The following DOCK4 variants were observed in gnomAD, a reference collection of about 807,000 sequenced individuals.
DOCK4 encodes the protein dedicator of cytokinesis protein 4.
DOCK4 carries 97 observed loss-of-function variants against 268.1 expected under a neutral mutation model. The ratio of observed to expected loss-of-function variants is 0.36; its 90% CI spans 0.31 to 0.43. The LOEUF is 0.43. Ranked by LOEUF, DOCK4 falls within the 20% of genes least tolerant of loss-of-function variation. The pLI is 1.00. For synonymous variants in DOCK4, 954 were observed against 887.2 expected (o/e 1.08, Z -1.34); for missense variants, 2,145 against 2,455.7 (o/e 0.87, Z 2.67).
chr7:111,739,285 G>C (rs750089233), intron 48 of DOCK4, 42 bp from the exon 49 acceptor site: 12 of 1,595,938 alleles, frequency 7.5e-6, no homozygotes, highest in Non-Finnish European at 1.0e-5. Context: ...CATGGTAGTG[G>C]TGCTGCACCT....
chr7:111,965,511 C>A (rs1269660112), intron 8 of DOCK4, among the ~76,000 whole-genome samples: 1 of 26,418 alleles, frequency 3.8e-5, no homozygotes, highest in Non-Finnish European at 5.5e-5. Flanking sequence ...GCTAACTATC[C>A]TAAATATTTA....
chr7:111,906,749 G>A (rs915689312), intron 13 of DOCK4, among the ~76,000 whole-genome samples: 2 of 152,154 alleles, frequency 1.3e-5, no homozygotes, highest in African/African-American at 4.8e-5. Flanking sequence ...TAGAGAAGGG[G>A]ATATGATGAG....
At chr7:111,989,559 C>T (rs1366985366) in intron 5 of DOCK4, among the ~76,000 whole-genome samples, 2 of 152,178 alleles carry the variant, frequency 1.3e-5, no homozygotes, top group African/African-American at 4.8e-5. Context: ...CTGCATGCAA[C>T]TAAAGCTGAT....
At chr7:112,071,111 T>C (rs1025302624) in intron 1 of DOCK4, among the ~76,000 whole-genome samples, 7 of 152,342 alleles carry the variant, frequency 4.6e-5, no homozygotes, top group East Asian at 3.9e-4. Context: ...GGTTACCTGA[T>C]AGTAGGAAAA....
In DOCK4 at chr7:112,141,880, T is replaced by C. The variant is rs1434079336; in HGVS notation, c.37+64222A>G. Among the ~76,000 whole-genome samples the C allele has an allele frequency of 2.6e-5, 4 of 152,248 alleles. No homozygotes were observed. In the East Asian group the frequency reaches 5.8e-4, roughly 22 times the overall value. On this transcript the variant is annotated intron_variant, in intron 1 of 52. Coordinates refer to ENST00000428084, the MANE Select transcript of DOCK4 (RefSeq NM_001363540.2). ...TACAGGGGACAGCAGAGTTGCCAGA[T>C]TGCAATTGGGGCCAGTGCTACTAAA...
At chr7:111,867,189 A>G (rs1050197755) in intron 22 of DOCK4, among the ~76,000 whole-genome samples, 3 of 152,194 alleles carry the variant, frequency 2.0e-5, no homozygotes, top group Admixed American at 6.5e-5. Context: ...AACATCACAT[A>G]GTACCAAATC....
intron 30 of DOCK4, among the ~76,000 whole-genome samples, chr7:111,802,957 G>T (rs1390379711): frequency 6.6e-6 from 1 of 152,036 alleles, no homozygotes; most frequent in East Asian, 1.9e-4. Context: ...TAACAGATAG[G>T]ACATTTTACA....
At chr7:112,123,828 A>G (rs114270505) in intron 1 of DOCK4, among the ~76,000 whole-genome samples, 95 of 152,318 alleles carry the variant, frequency 6.2e-4, no homozygotes, top group African/African-American at 2.2e-3. Context: ...AACCTGCTTT[A>G]AAAACTAAAG....
At chr7:111,967,309 C>T (rs1211079644) in intron 8 of DOCK4, among the ~76,000 whole-genome samples, 1 of 19,590 alleles carries the variant, frequency 5.1e-5, no homozygotes, top group African/African-American at 5.7e-4. Context: ...CTAGAAAACC[C>T]CATCGTCTCA....
intron 37 of DOCK4, among the ~76,000 whole-genome samples, chr7:111,767,736 A>T (rs1227030803): frequency 6.6e-6 from 1 of 152,104 alleles, no homozygotes; most frequent in Non-Finnish European, 1.5e-5. Flanking sequence ...ATGGATATAA[A>T]CAGGCCCTCA....
At chr7:111,838,491 T>C (rs758242148) in intron 25 of DOCK4, among the ~76,000 whole-genome samples, 8 of 152,166 alleles carry the variant, frequency 5.3e-5, no homozygotes, top group East Asian at 1.9e-4. Flanking sequence ...GAATAAACTA[T>C]TGATATACAA....
chr7:112,127,523 C>T (rs948424087), intron 1 of DOCK4, among the ~76,000 whole-genome samples: 2 of 151,076 alleles, frequency 1.3e-5, no homozygotes, highest in African/African-American at 2.4e-5. Flanking sequence ...AACTAACCTG[C>T]ACATTGTGCA....
intron 1 of DOCK4, among the ~76,000 whole-genome samples, chr7:112,047,774 C>A (rs901455371): frequency 1.3e-5 from 2 of 152,188 alleles, no homozygotes; most frequent in Non-Finnish European, 2.9e-5. Flanking sequence ...CTCACCACAG[C>A]CTGGAGCCCC....
intron 5 of DOCK4, among the ~76,000 whole-genome samples, chr7:111,990,058 TG>T (rs1398753956): frequency 2.0e-5 from 3 of 152,218 alleles, no homozygotes; most frequent in Non-Finnish European, 2.9e-5. Context: ...TTAACATTTT[TG>T]TGCTTGTTTT....
chr7:112,015,489 C>G lies in DOCK4; in HGVS notation c.38-11358G>C, dbSNP rs937292171. On this transcript the variant is annotated intron_variant, in intron 1 of 52. Transcript: ENST00000428084. ...TACTTCTCCAATAAACTTGCTTTCA[C>G]TTTGCTCGGTGGACTTGCCCTGAAT... is the stretch of plus-strand genomic sequence containing the variant. Among the ~76,000 whole-genome samples, 6 of 152,230 alleles carry G rather than the reference C, an allele frequency of 3.9e-5. No homozygotes were observed. In the East Asian group the frequency reaches 1.2e-3, roughly 29 times the overall value.
chr7:111,981,732 G>A (rs887226561), intron 7 of DOCK4, among the ~76,000 whole-genome samples: 1 of 151,986 alleles, frequency 6.6e-6, no homozygotes, highest in Admixed American at 6.6e-5. Flanking sequence ...GAAGACTTTG[G>A]ACTAGGATCT....
chr7:111,792,661 G>A (rs1450031349), intron 30 of DOCK4, among the ~76,000 whole-genome samples: 1 of 152,170 alleles, frequency 6.6e-6, no homozygotes, highest in Non-Finnish European at 1.5e-5. Context: ...GGGTTTACAG[G>A]CGTGAGCCGC....
chr7:111,901,549 T>C, intron 14 of DOCK4, 128 bp downstream of exon 14: 1 of 951,218 alleles, frequency 1.1e-6, no homozygotes, highest in Non-Finnish European at 1.5e-6. Context: ...AGGAGAAAAA[T>C]AAGATAGAAA....
intron 1 of DOCK4, among the ~76,000 whole-genome samples, chr7:112,192,864 C>T (rs762662778): frequency 6.6e-6 from 1 of 151,422 alleles, no homozygotes; most frequent in Non-Finnish European, 1.5e-5. Context: ...ATGCTTGTCA[C>T]TAAGAAAAAA....
Sources: gnomAD v4.1 joint callset for allele counts (sites outside exome capture counted in the v4.1 genomes callset) on GRCh38, gnomAD v4.1.1 for gene constraint, MANE v1.5 for transcripts, NCBI Gene and HGNC (gene_info 2026-07-23, HGNC 2026-07-21) for gene names.